The following PID1 variants were observed in gnomAD, a reference collection of about 807,000 sequenced individuals.
PID1 encodes PTB-containing, cubilin and LRP1-interacting protein.
Under a neutral mutation model 19.1 loss-of-function variants are expected in PID1, and 10 were observed. The observed-to-expected ratio is 0.52, with a 90% CI of 0.32 to 0.89. The LOEUF (loss-of-function observed/expected upper bound fraction) is 0.89. Ranked by LOEUF, PID1 falls within the 40% of genes least tolerant of loss-of-function variation. PID1 has a pLI of 0.03. For missense variants in PID1, 248 were observed against 285.3 expected, an observed-to-expected ratio of 0.87 and a Z score of 0.94; for synonymous variants, 130 against 116.0, an observed-to-expected ratio of 1.12 and a Z score of -0.78.
Position 229,166,430 on chromosome 2 carries a change from C to T in PID1, c.31-10466G>A, listed in dbSNP as rs77727767. On this transcript the variant is annotated intron_variant, in intron 1 of 2. Transcript: ENST00000392055. ...TACATATGCATGGTTTATTATATGT[C>T]GAGTATACCTCATTAAAATTATTTT... Among the ~76,000 whole-genome samples, 1,520 of 152,172 alleles carry T rather than the reference C, an allele frequency of 1.0e-2. 20 individuals carry two copies. Among genetic ancestry groups the T allele is most frequent in the African/African-American group, 0.035 (1,437 of 41,492 alleles).
At chr2:229,149,817 G>A (rs987914127) in intron 2 of PID1, among the ~76,000 whole-genome samples, 2 of 152,276 alleles carry the variant, frequency 1.3e-5, no homozygotes, top group South Asian at 4.1e-4. Flanking sequence ...CACAGGCCTA[G>A]GTGAGGGGCT....
At chr2:229,125,648 T>C (rs962515396) in intron 2 of PID1, among the ~76,000 whole-genome samples, 6 of 152,190 alleles carry the variant, frequency 3.9e-5, no homozygotes, top group African/African-American at 1.4e-4. Flanking sequence ...TCCTAGTACA[T>C]TCATTGGAGT....
At chr2:229,174,215 T>C (rs1401797577) in intron 1 of PID1, among the ~76,000 whole-genome samples, 1 of 152,190 alleles carries the variant, frequency 6.6e-6, no homozygotes. Flanking sequence ...TAAGAATCTG[T>C]AGTGGACTTG....
intron 1 of PID1, among the ~76,000 whole-genome samples, chr2:229,236,879 CCACACT>C (rs1237483253): frequency 6.6e-6 from 1 of 151,790 alleles, no homozygotes; most frequent in Non-Finnish European, 1.5e-5. Flanking sequence ...GTAAATGCAG[CCACACT>C]CACTTGCTCA....
intron 2 of PID1, among the ~76,000 whole-genome samples, chr2:229,107,515 A>G (rs1184469990): frequency 1.3e-5 from 2 of 151,996 alleles, no homozygotes; most frequent in East Asian, 1.9e-4. Flanking sequence ...AAAAAAAAAA[A>G]AAAAAGAAAA....
chr2:229,124,718 T>C (rs1695587973), intron 2 of PID1, among the ~76,000 whole-genome samples: 1 of 152,154 alleles, frequency 6.6e-6, no homozygotes, highest in African/African-American at 2.4e-5. Flanking sequence ...TGAACTCTAT[T>C]CAATTTATTT....
intron 2 of PID1, among the ~76,000 whole-genome samples, chr2:229,124,223 GT>G (rs1162540862): frequency 1.3e-5 from 2 of 152,130 alleles, no homozygotes; most frequent in African/African-American, 4.8e-5. Context: ...GAAGTTAGGG[GT>G]TTTGTTTTTG....
At chr2:229,029,687 G>T (rs893893083) in intron 2 of PID1, among the ~76,000 whole-genome samples, 18 of 151,626 alleles carry the variant, frequency 1.2e-4, no homozygotes, top group Non-Finnish European at 1.8e-4. Context: ...TAAAAATACA[G>T]AAATTAGCCA....
chr2:229,170,582 T>C (rs1029014787), intron 1 of PID1, among the ~76,000 whole-genome samples: 3 of 152,216 alleles, frequency 2.0e-5, no homozygotes, highest in Non-Finnish European at 4.4e-5. Context: ...GAATTGAATA[T>C]AATTTTTTTC....
chr2:229,119,127 G>A (rs533648930), intron 2 of PID1, among the ~76,000 whole-genome samples: 1 of 152,300 alleles, frequency 6.6e-6, no homozygotes, highest in East Asian at 1.9e-4. Flanking sequence ...AACTCATGCA[G>A]TCACTTTCTA....
At chr2:229,242,045 T>C (rs1689884052) in intron 1 of PID1, among the ~76,000 whole-genome samples, 1 of 147,518 alleles carries the variant, frequency 6.8e-6, no homozygotes, top group African/African-American at 2.5e-5. Flanking sequence ...GTTTTTGTTT[T>C]TGAGATGGGA....
chr2:229,104,851 C>T (rs569027964), intron 2 of PID1, among the ~76,000 whole-genome samples: 1 of 152,356 alleles, frequency 6.6e-6, no homozygotes, highest in African/African-American at 2.4e-5. Context: ...CCACCTGGCA[C>T]ATAAGGAGGC....
chr2:229,165,616 C>A (rs889242676), intron 1 of PID1, among the ~76,000 whole-genome samples: 1 of 151,698 alleles, frequency 6.6e-6, no homozygotes, highest in African/African-American at 2.4e-5. Flanking sequence ...ATGAGACATG[C>A]AAAAATGGAA....
At chr2:229,123,030 T>C (rs981347519) in intron 2 of PID1, among the ~76,000 whole-genome samples, 1 of 152,242 alleles carries the variant, frequency 6.6e-6, no homozygotes, top group African/African-American at 2.4e-5. Flanking sequence ...AAAATTCATA[T>C]AATATAAAAT....
intron 2 of PID1, among the ~76,000 whole-genome samples, chr2:229,093,472 T>G (rs917232673): frequency 6.6e-6 from 1 of 151,664 alleles, no homozygotes; most frequent in African/African-American, 2.4e-5. Flanking sequence ...AGCTGACTTT[T>G]GCTGTGTAAC....
intron 1 of PID1, among the ~76,000 whole-genome samples, chr2:229,243,840 C>T (rs926825862): frequency 3.9e-5 from 6 of 152,158 alleles, no homozygotes; most frequent in African/African-American, 1.2e-4. Context: ...GTTACATCTA[C>T]ACCATTCAAA....
chr2:229,088,290 C>T (rs751305189), intron 2 of PID1, among the ~76,000 whole-genome samples: 24 of 152,066 alleles, frequency 1.6e-4, no homozygotes, highest in Non-Finnish European at 2.2e-4. Context: ...AAACATTTAC[C>T]GAGCAACTAC....
intron 2 of PID1, among the ~76,000 whole-genome samples, chr2:229,060,629 T>C (rs1694192948): frequency 1.3e-5 from 2 of 152,116 alleles, no homozygotes; most frequent in Non-Finnish European, 1.5e-5. Context: ...TCTGGTTCTA[T>C]ACCAAGAAGT....
intron 2 of PID1, among the ~76,000 whole-genome samples, chr2:229,063,252 C>A (rs1003592620): frequency 6.6e-6 from 1 of 151,850 alleles, no homozygotes; most frequent in Non-Finnish European, 1.5e-5. Context: ...TTGATGTAGG[C>A]ATTTATTTCT....
Sources: allele counts gnomAD v4.1 joint callset (sites outside exome capture counted in the v4.1 genomes callset), GRCh38; gene constraint gnomAD v4.1.1; transcripts MANE v1.5; gene names NCBI Gene and HGNC (gene_info 2026-07-23, HGNC 2026-07-21).